Variants in OR5P2 observed in about 807,000 individuals in gnomAD.
OR5P2 encodes olfactory receptor family 5 subfamily P member 2.
For synonymous variants in OR5P2, 165 were observed against 145.6 expected (o/e 1.13, Z -0.96); for missense variants, 455 against 382.3 (o/e 1.19, Z -1.59).
rs199513593 is a variant in OR5P2 at position 7,796,114 on chromosome 11, C to A, written c.829G>T (p.Val277Leu). 3.7e-6 allele frequency: 6 copies of A among 1,605,346 alleles called. No homozygotes were observed. The East Asian group carries it at 1.4e-4, about 36-fold the overall frequency. Residue 277 changes from valine to leucine, a missense_variant, in exon 1 of 1, where the codon GTG becomes TTG. Physicochemically the swap from Val to Leu is conservative, Grantham distance 32. Transcript: ENST00000329434. ...ATCAGGGGGTTCAACATGGGAATCA[C>A]CACTGTGTACAACACAGACACCACC... ...NKVVSVLYTV[V>L]IPMLNPLIYS...
chr11:7,796,434 A>T lies in OR5P2; in HGVS notation c.509T>A (p.Val170Asp). The T allele has an allele frequency of 1.2e-6, 2 of 1,604,894 alleles. No homozygotes were observed. The highest frequency in any genetic ancestry group is 1.7e-6 in the Non-Finnish European group (2 of 1,178,434). ...AGCGAAATCACAGAAAAAATGATTG[A>T]CTTGATTTGGTCCACAGAAGAGTAA... is the stretch of plus-strand genomic sequence containing the variant. Reference protein sequence around the residue: ...YFLLFCGPNQVNHFFCDFAPL... With the variant: ...YFLLFCGPNQDNHFFCDFAPL... The change falls in exon 1 of 1, where the codon GTC becomes GAC. Residue 170 changes from valine to aspartate, a missense_variant. Coordinates refer to ENST00000329434, the MANE Select transcript of OR5P2 (RefSeq NM_153444.1).
At position 7,796,308 on chromosome 11, in the gene OR5P2, A is replaced by G. The variant is rs750172351; in HGVS notation, c.635T>C (p.Val212Ala). 8 of 1,604,912 alleles carry G rather than the reference A, an allele frequency of 5.0e-6. No individual in the cohort carries two copies. In the South Asian group the frequency reaches 6.6e-5, roughly 13 times the overall value. Residue 212 changes from valine to alanine, a missense_variant, in exon 1 of 1, where the codon GTC becomes GCC. Coordinates refer to ENST00000329434, the MANE Select transcript of OR5P2 (RefSeq NM_153444.1). Reference protein sequence around the residue: ...IIVVTVCVIAVCYIYILITIL... With the variant: ...IIVVTVCVIAACYIYILITIL... Reference sequence around the variant, plus strand: ...GGTGATGAGGATATAGATGTAGCAGACGGCTATGACACACACAGTGACCAC... The same window carrying G: ...GGTGATGAGGATATAGATGTAGCAGGCGGCTATGACACACACAGTGACCAC...
At position 7,796,523 on chromosome 11, in the gene OR5P2, T is replaced by C. The variant is rs916259330; in HGVS notation, c.420A>G (p.Leu140=). Reference sequence around the variant, plus strand: ...AACCAGCTATGTAAACTACTAAGAGTAGCTGGACACTGACTTGTGTGGACA... The same window carrying C: ...AACCAGCTATGTAAACTACTAAGAGCAGCTGGACACTGACTTGTGTGGACA... ...TKMSTQVSVQ[L]LLVVYIAGFL... Residue 140 remains leucine, a synonymous_variant, in exon 1 of 1, where the codon CTA becomes CTG. Transcript: ENST00000329434. 1.2e-6 allele frequency: 2 copies of C among 1,604,746 alleles called. No individual in the cohort carries two copies. Among genetic ancestry groups the C allele is most frequent in the African/African-American group, 1.4e-5 (1 of 69,166 alleles).
chr11:7,796,373 G>A lies in OR5P2; in HGVS notation c.570C>T (p.Val190=), dbSNP rs774527379. Residue 190 remains valine (V), a synonymous_variant, in exon 1 of 1, where the codon GTC becomes GTT. Transcript: ENST00000329434. ...AAGAAAATGAGAGAACAACTGTGGAGACACTGATATCAGAACAGGAGAGTT... is the reference window on the plus strand; with the variant it reads ...AAGAAAATGAGAGAACAACTGTGGAAACACTGATATCAGAACAGGAGAGTT... ...LLELSCSDIS[V]STVVLSFSSG... The A allele has an allele frequency of 1.2e-6, 2 of 1,604,866 alleles. No homozygotes were observed. The highest frequency in any genetic ancestry group is 2.9e-5 in the African/African-American group (2 of 69,204).
chr11:7,796,463 A>C lies in OR5P2; in HGVS notation c.480T>G (p.Tyr160Ter). ...GATTTGGTCCACAGAAGAGTAAAAA[A>C]TAGAAGGAAGTAGTATAGGAGACAG... ...LIAVSYTTSFYFLLFCGPNQV... is the reference protein window; with the variant it reads ...LIAVSYTTSF Residue 160 changes from tyrosine (Y) to a stop codon, truncating the protein, a stop_gained, in exon 1 of 1, where the codon TAT becomes TAG. Transcript: ENST00000329434. LOFTEE classifies it low-confidence loss of function (END_TRUNC). 1 of 1,605,242 alleles carries C rather than the reference A, an allele frequency of 6.2e-7. No homozygotes were observed. The highest frequency in any genetic ancestry group is 8.5e-7 in the Non-Finnish European group (1 of 1,178,582).
At position 7,796,211 on chromosome 11, in the gene OR5P2, A is replaced by G; in HGVS notation, c.732T>C (p.Val244=). The change falls in exon 1 of 1, where the codon GTT becomes GTC. Residue 244 remains valine (V), a synonymous_variant. Coordinates refer to ENST00000329434, the MANE Select transcript of OR5P2 (RefSeq NM_153444.1). Reference sequence around the variant, plus strand: ...AGGTAATGGTCCCATAGAACAGGGTAACCACAGTGAGGTGGGAAGTGCAGG... The same window carrying G: ...AGGTAATGGTCCCATAGAACAGGGTGACCACAGTGAGGTGGGAAGTGCAGG... ...FSTCTSHLTV[V]TLFYGTITFI... 6.2e-7 allele frequency: 1 copy of G among 1,604,990 alleles called. No individual in the cohort carries two copies. Among genetic ancestry groups the G allele is most frequent in the East Asian group, 2.3e-5 (1 of 44,330 alleles).
Position 7,796,228 on chromosome 11 carries a change from A to T in OR5P2, c.715T>A (p.Ser239Thr), listed in dbSNP as rs1417449830. ...GHHKAFSTCTSHLTVVTLFYG... is the reference protein window; with the variant it reads ...GHHKAFSTCTTHLTVVTLFYG... ...AACAGGGTAACCACAGTGAGGTGGGAAGTGCAGGTGGAGAAGGCCTTGTGG... is the reference window on the plus strand; with the variant it reads ...AACAGGGTAACCACAGTGAGGTGGGTAGTGCAGGTGGAGAAGGCCTTGTGG... The change falls in exon 1 of 1, where the codon TCC becomes ACC. Residue 239 changes from serine (S) to threonine (T), a missense_variant. Ser to Thr is a moderately conservative substitution (Grantham distance 58). Transcript: ENST00000329434. 1.9e-6 allele frequency: 3 copies of T among 1,605,008 alleles called. 1 individual carries two copies. In the East Asian group the frequency reaches 6.8e-5, roughly 36 times the overall value.
rs760324175 is a variant in OR5P2, at chr11:7,796,187, G to A, written c.756C>T (p.Thr252=). ...TVVTLFYGTI[T]FIYVMPNFSY... ...TAAAATTGGGCATCACATAAATGAA[G>A]GTAATGGTCCCATAGAACAGGGTAA... Residue 252 remains threonine, a synonymous_variant, in exon 1 of 1, where the codon ACC becomes ACT. Transcript: ENST00000329434. 3 of 1,605,020 alleles carry A rather than the reference G, an allele frequency of 1.9e-6. No individual in the cohort carries two copies. The highest frequency in any genetic ancestry group is 2.5e-6 in the Non-Finnish European group (3 of 1,178,718).
Position 7,796,178 on chromosome 11 carries a change from A to G in OR5P2, c.765T>C (p.Tyr255=). Residue 255 remains tyrosine (Y), a synonymous_variant, in exon 1 of 1, where the codon TAT becomes TAC. Coordinates refer to ENST00000329434, the MANE Select transcript of OR5P2 (RefSeq NM_153444.1). ...TTGAGTAGCTAAAATTGGGCATCACATAAATGAAGGTAATGGTCCCATAGA... is the reference window on the plus strand; with the variant it reads ...TTGAGTAGCTAAAATTGGGCATCACGTAAATGAAGGTAATGGTCCCATAGA... The part of the protein sequence containing the change: ...TLFYGTITFI[Y]VMPNFSYSTD... 2 of 1,605,132 alleles carry G rather than the reference A, an allele frequency of 1.2e-6. No homozygotes were observed. The highest frequency in any genetic ancestry group is 1.1e-5 in the South Asian group (1 of 90,358).
rs780913877 is a variant in OR5P2 at position 7,796,803 on chromosome 11, A to G, written c.140T>C (p.Ile47Thr). 1 of 1,584,762 alleles carries G rather than the reference A, an allele frequency of 6.3e-7. No individual in the cohort carries two copies. The highest frequency in any genetic ancestry group is 1.1e-5 in the South Asian group (1 of 90,008). ...GNLSIIILIRISSQLHHPMYF... is the reference protein window; with the variant it reads ...GNLSIIILIRTSSQLHHPMYF... ...CATAGGATGATGGAGCTGAGAAGAA[A>G]TTCTGATAAGAATAATTATGCTGAG... The change falls in exon 1 of 1, where the codon ATT (isoleucine) becomes ACT (threonine). Residue 47 changes from isoleucine to threonine, a missense_variant. Physicochemically the swap from Ile to Thr is moderately conservative, Grantham distance 89. Coordinates refer to ENST00000329434, the MANE Select transcript of OR5P2 (RefSeq NM_153444.1).
In OR5P2 at chr11:7,796,439, A is replaced by G. The variant is rs776131496; in HGVS notation, c.504T>C (p.Asn168=). The change falls in exon 1 of 1, where the codon AAT becomes AAC. Residue 168 remains asparagine (N), a synonymous_variant. Transcript: ENST00000329434. ...AATCACAGAAAAAATGATTGACTTG[A>G]TTTGGTCCACAGAAGAGTAAAAAAT... is the stretch of plus-strand genomic sequence containing the variant. The part of the protein sequence containing the change: ...SFYFLLFCGP[N]QVNHFFCDFA... The G allele has an allele frequency of 1.2e-6, 2 of 1,605,006 alleles. No homozygotes were observed. The highest frequency in any genetic ancestry group is 1.7e-6 in the Non-Finnish European group (2 of 1,178,544).
chr11:7,796,823 G>A lies in OR5P2; in HGVS notation c.120C>T (p.Ser40=). 1 of 1,543,044 alleles carries A rather than the reference G, an allele frequency of 6.5e-7. No individual in the cohort carries two copies. Among genetic ancestry groups the A allele is most frequent in the South Asian group, 1.1e-5 (1 of 89,328 alleles). Residue 40 remains serine, a synonymous_variant, in exon 1 of 1, where the codon AGC becomes AGT. Coordinates refer to ENST00000329434, the MANE Select transcript of OR5P2 (RefSeq NM_153444.1). Reference sequence around the variant, plus strand: ...AAGAAATTCTGATAAGAATAATTATGCTGAGATTACCAGATAGGATGATCA... The same window carrying A: ...AAGAAATTCTGATAAGAATAATTATACTGAGATTACCAGATAGGATGATCA... The part of the protein sequence containing the change: ...LFMIILSGNL[S]IIILIRISSQ...
rs748288967 is a variant in OR5P2, at chr11:7,796,839, A to AT, written c.103_104insA (p.Leu35HisfsTer4). 170 of 1,593,812 alleles carry AT rather than the reference A, an allele frequency of 1.1e-4. 1 individual carries two copies. The highest frequency in any genetic ancestry group is 1.7e-4 in the Middle Eastern group (1 of 6,000). On this transcript the variant is annotated frameshift_variant, in exon 1 of 1. Transcript: ENST00000329434. LOFTEE classifies it low-confidence loss of function (END_TRUNC). ...AATAATTATGCTGAGATTACCAGAT[A>AT]GGATGATCATGAAGAGGATGACTCG...
At position 7,796,864 on chromosome 11, in the gene OR5P2, G is replaced by C. The variant is rs747889508; in HGVS notation, c.79C>G (p.Arg27Gly). The C allele has an allele frequency of 8.6e-6, 11 of 1,275,240 alleles. No homozygotes were observed. Among genetic ancestry groups the C allele is most frequent in the African/African-American group, 1.9e-5 (1 of 52,858 alleles). The allele number at this position is 1,275,240 out of a possible 1,614,324, so 79.0% of individuals were successfully genotyped here. A position where few individuals can be genotyped will look rare whatever the true frequency, so the allele number is the denominator to read the frequency against. Reference sequence around the variant, plus strand: ...AGGATGATCATGAAGAGGATGACTCGAAGGATTGGATCATCTGTTAAGCCC... The same window carrying C: ...AGGATGATCATGAAGAGGATGACTCCAAGGATTGGATCATCTGTTAAGCCC... ...LLGLTDDPILRVILFMIILSG... is the reference protein window; with the variant it reads ...LLGLTDDPILGVILFMIILSG... Residue 27 changes from arginine (R) to glycine (G), a missense_variant, in exon 1 of 1, where the codon CGA becomes GGA. By Grantham distance (125) the Arg-to-Gly change is moderately radical. Coordinates refer to ENST00000329434, the MANE Select transcript of OR5P2 (RefSeq NM_153444.1).
rs772940472 is a variant in OR5P2 at position 7,796,031 on chromosome 11, T to G, written c.912A>C (p.Lys304Asn). The G allele has an allele frequency of 6.2e-7, 1 of 1,601,154 alleles. No homozygotes were observed. Among genetic ancestry groups the G allele is most frequent in the African/African-American group, 1.5e-5 (1 of 68,860 alleles). ...AATAACAAGCATCATGAGAAAGTATTTTTCTAACAAGCTCTCTCTTCAGAG... is the reference window on the plus strand; with the variant it reads ...AATAACAAGCATCATGAGAAAGTATGTTTCTAACAAGCTCTCTCTTCAGAG... The part of the protein sequence containing the change: ...KGALKRELVR[K>N]ILSHDACYFS... Residue 304 changes from lysine to asparagine, a missense_variant, in exon 1 of 1, where the codon AAA (lysine) becomes AAC (asparagine). Transcript: ENST00000329434.
chr11:7,796,169 G>A lies in OR5P2; in HGVS notation c.774C>T (p.Pro258=). The A allele has an allele frequency of 6.2e-7, 1 of 1,604,996 alleles. No homozygotes were observed. Among genetic ancestry groups the A allele is most frequent in the South Asian group, 1.1e-5 (1 of 90,342 alleles). The change falls in exon 1 of 1, where the codon CCC becomes CCT. Residue 258 remains proline (P), a synonymous_variant. Coordinates refer to ENST00000329434, the MANE Select transcript of OR5P2 (RefSeq NM_153444.1). ...TCTGGTCAGTTGAGTAGCTAAAATT[G>A]GGCATCACATAAATGAAGGTAATGG... is the stretch of plus-strand genomic sequence containing the variant. ...YGTITFIYVM[P]NFSYSTDQNK...
At position 7,796,507 on chromosome 11, in the gene OR5P2, T is replaced by A; in HGVS notation, c.436A>T (p.Ile146Leu). 1 of 1,604,914 alleles carries A rather than the reference T, an allele frequency of 6.2e-7. No homozygotes were observed. The highest frequency in any genetic ancestry group is 8.5e-7 in the Non-Finnish European group (1 of 1,178,244). ...GAGACAGCAATGAGAAAACCAGCTATGTAAACTACTAAGAGTAGCTGGACA... is the reference window on the plus strand; with the variant it reads ...GAGACAGCAATGAGAAAACCAGCTAAGTAAACTACTAAGAGTAGCTGGACA... ...VSVQLLLVVY[I>L]AGFLIAVSYT... Residue 146 changes from isoleucine (I) to leucine (L), a missense_variant, in exon 1 of 1, where the codon ATA (isoleucine) becomes TTA (leucine). Physicochemically the swap from Ile to Leu is conservative, Grantham distance 5. Transcript: ENST00000329434.
In OR5P2 at chr11:7,796,086, T is replaced by C; in HGVS notation, c.857A>G (p.Tyr286Cys). 1 of 1,605,284 alleles carries C rather than the reference T, an allele frequency of 6.2e-7. No individual in the cohort carries two copies. Among genetic ancestry groups the C allele is most frequent in the Admixed American group, 1.7e-5 (1 of 59,792 alleles). Residue 286 changes from tyrosine (Y) to cysteine (C), a missense_variant, in exon 1 of 1, where the codon TAC becomes TGC. Tyr to Cys is a radical substitution (Grantham distance 194). Transcript: ENST00000329434. The stretch of plus-strand genomic sequence containing the variant: ...CTTAATCTCCTTGTTCCTGAGGCTG[T>C]AGATCAGGGGGTTCAACATGGGAAT... ...VVIPMLNPLI[Y>C]SLRNKEIKGA...
Position 7,796,711 on chromosome 11 carries a change from G to C in OR5P2, c.232C>G (p.Leu78Val), listed in dbSNP as rs1857359205. Residue 78 changes from leucine to valine, a missense_variant, in exon 1 of 1, where the codon CTT becomes GTT. Transcript: ENST00000329434. ...AYSSSVTPNM[L>V]VNFLVERNTV... Reference sequence around the variant, plus strand: ...TTTCTCTCCACCAGGAAGTTTACAAGCATGTTGGGTGTGACAGAAGATGAA... The same window carrying C: ...TTTCTCTCCACCAGGAAGTTTACAACCATGTTGGGTGTGACAGAAGATGAA... The C allele has an allele frequency of 1.2e-6, 2 of 1,605,624 alleles. No homozygotes were observed. Among genetic ancestry groups the C allele is most frequent in the Middle Eastern group, 1.7e-4 (1 of 6,032 alleles).
Sources: allele counts gnomAD v4.1 joint callset, GRCh38; gene constraint gnomAD v4.1.1; transcripts MANE v1.5; gene names NCBI Gene and HGNC (gene_info 2026-07-23, HGNC 2026-07-21).